The following THSD7B variants were observed in gnomAD, a reference collection of about 807,000 sequenced individuals.
THSD7B encodes thrombospondin type 1 domain containing 7B.
In THSD7B, 138 loss-of-function variants were observed where a neutral mutation model predicts 213.6. The ratio of observed to expected loss-of-function variants is 0.65; its 90% CI spans 0.56 to 0.74. THSD7B has a LOEUF of 0.74. Ranked by LOEUF, THSD7B falls within the 30% of genes least tolerant of loss-of-function variation. The pLI is 0.00. For missense variants in THSD7B, 1,931 were observed against 1,991.5 expected (o/e 0.97, Z 0.58); for synonymous variants, 742 against 687.0 (o/e 1.08, Z -1.25).
At chr2:137,080,429 G>A (rs1174127457) in intron 3 of THSD7B, among the ~76,000 whole-genome samples, 1 of 145,128 alleles carries the variant, frequency 6.9e-6, no homozygotes, top group Non-Finnish European at 1.5e-5. Context: ...GGCCAGGCTG[G>A]TCTCAAACTC....
intron 2 of THSD7B, among the ~76,000 whole-genome samples, chr2:136,969,635 A>G (rs191089894): frequency 8.2e-4 from 125 of 152,296 alleles, no homozygotes; most frequent in African/African-American, 2.9e-3. Flanking sequence ...GAAACTATTT[A>G]AAAGGCATGA....
intron 14 of THSD7B, among the ~76,000 whole-genome samples, chr2:137,425,151 CT>C (rs1225064350): frequency 6.6e-6 from 1 of 151,128 alleles, no homozygotes; most frequent in African/African-American, 2.4e-5. Context: ...TATTCTATAA[CT>C]GTTTACATAG....
At chr2:137,533,262 C>T (rs1020888590) in intron 15 of THSD7B, among the ~76,000 whole-genome samples, 13 of 151,708 alleles carry the variant, frequency 8.6e-5, no homozygotes, top group African/African-American at 2.9e-4. Flanking sequence ...TTCTCTATAA[C>T]GTGCCTCTCC....
chr2:136,923,406 T>A (rs960635679), intron 2 of THSD7B, among the ~76,000 whole-genome samples: 2 of 152,218 alleles, frequency 1.3e-5, no homozygotes, highest in Non-Finnish European at 1.5e-5. Flanking sequence ...TGCTGTAATG[T>A]GCATGAGTGT....
At chr2:137,112,809 A>G (rs1040729909) in intron 4 of THSD7B, among the ~76,000 whole-genome samples, 5 of 151,064 alleles carry the variant, frequency 3.3e-5, no homozygotes, top group Non-Finnish European at 5.9e-5. Context: ...CACATCAGCA[A>G]TGGGCAAAAG....
At chr2:137,169,286 GT>G (rs70978205) in intron 6 of THSD7B, among the ~76,000 whole-genome samples, 1,539 of 140,414 alleles carry the variant, frequency 0.011, 14 homozygotes, top group African/African-American at 0.027. Context: ...TTTATTTGAG[GT>G]TTTTTTTTTT....
At chr2:137,044,456 C>G (rs1373087167) in intron 2 of THSD7B, among the ~76,000 whole-genome samples, 1 of 152,132 alleles carries the variant, frequency 6.6e-6, no homozygotes, top group Non-Finnish European at 1.5e-5. Context: ...TCTCCCAGCA[C>G]TTTTTAGCTT....
At chr2:137,599,213 T>C (rs1161601262) in intron 17 of THSD7B, among the ~76,000 whole-genome samples, 1 of 151,912 alleles carries the variant, frequency 6.6e-6, no homozygotes, top group Non-Finnish European at 1.5e-5. Flanking sequence ...GGATATGAAC[T>C]CATCATTTTT....
chr2:136,983,078 T>TA (rs35691845), intron 2 of THSD7B, among the ~76,000 whole-genome samples: 33,604 of 146,154 alleles, frequency 0.23, 4,332 homozygotes, highest in East Asian at 0.57. Context: ...AGTTTAAAAT[T>TA]AAAAAAAAAA....
intron 12 of THSD7B, among the ~76,000 whole-genome samples, chr2:137,371,704 T>A (rs374169045): frequency 5.1e-4 from 77 of 152,308 alleles, no homozygotes; most frequent in African/African-American, 1.9e-3. Flanking sequence ...ATCTATGTGT[T>A]CTTTTACTCT....
At chr2:136,987,216 T>A (rs555738237) in intron 2 of THSD7B, among the ~76,000 whole-genome samples, 1 of 152,268 alleles carries the variant, frequency 6.6e-6, no homozygotes, top group East Asian at 1.9e-4. Flanking sequence ...GATTACTACT[T>A]TTGATTTTGT....
At chr2:137,233,278 A>T (rs1681684666) in intron 9 of THSD7B, 145 bp downstream of exon 9, 1 of 723,066 alleles carries the variant, frequency 1.4e-6, no homozygotes, top group African/African-American at 1.8e-5. Flanking sequence ...TTAAAGATTA[A>T]AACATGTGCC....
At chr2:137,165,762 T>TACAC (rs10582774) in intron 6 of THSD7B, among the ~76,000 whole-genome samples, 17 of 149,780 alleles carry the variant, frequency 1.1e-4, no homozygotes, top group Middle Eastern at 3.4e-3. Context: ...TCTTAAAAAA[T>TACAC]ACACACACAC....
At chr2:136,904,577 CG>C (rs34043895) in intron 2 of THSD7B, among the ~76,000 whole-genome samples, 60,447 of 151,972 alleles carry the variant, frequency 0.4, 14,229 homozygotes, top group Non-Finnish European at 0.54. Flanking sequence ...TGCTTGGAAC[CG>C]GGCAGAGGTT....
At chr2:136,947,462 A>AG (rs546416273) in intron 2 of THSD7B, among the ~76,000 whole-genome samples, 233 of 152,364 alleles carry the variant, frequency 1.5e-3, no homozygotes, top group African/African-American at 5.6e-3. Context: ...AATGCCAGTC[A>AG]GGGGTTGAGT....
chr2:137,313,821 G>C (rs1167423023), intron 12 of THSD7B, among the ~76,000 whole-genome samples: 2 of 152,184 alleles, frequency 1.3e-5, no homozygotes, highest in Non-Finnish European at 2.9e-5. Flanking sequence ...CTTTAAGAAT[G>C]TTGAATATTG....
chr2:137,676,048 A>G (rs749631954), intron 27 of THSD7B, among the ~76,000 whole-genome samples: 4 of 152,084 alleles, frequency 2.6e-5, no homozygotes, highest in Non-Finnish European at 5.9e-5. Flanking sequence ...CTTTGCACGG[A>G]GTAGAATTGG....
In THSD7B at chr2:137,618,449, G is replaced by T. The variant is rs374763468; in HGVS notation, c.3623G>T (p.Arg1208Leu). The T allele has an allele frequency of 6.2e-7, 1 of 1,613,874 alleles. No homozygotes were observed. Among genetic ancestry groups the T allele is most frequent in the South Asian group, 1.1e-5 (1 of 91,058 alleles). The change falls in exon 19 of 28, where the codon CGC becomes CTC. Residue 1208 changes from arginine (R) to leucine (L), a missense_variant. By Grantham distance (102) the Arg-to-Leu change is moderately radical. Transcript: ENST00000409968. ...NAPCGQGVRT[R>L]LLSCVCSDGK... is the part of the protein sequence containing the mutation. ...CCCTGTGGTCAAGGCGTCAGGACCCGCCTGCTAAGCTGTGTGTGCAGTGAT... is the reference window on the plus strand; with the variant it reads ...CCCTGTGGTCAAGGCGTCAGGACCCTCCTGCTAAGCTGTGTGTGCAGTGAT...
In THSD7B at chr2:136,999,310, G is replaced by A. The variant is rs777577806; in HGVS notation, c.140-57110G>A. On this transcript the variant is annotated intron_variant, in intron 2 of 27. Coordinates refer to ENST00000409968, the MANE Select transcript of THSD7B (RefSeq NM_001316349.2). ...GCAAATACTTTTAGAAATTCCTGGT[G>A]AATCCTTTTATCTAACCTTTGCTAG... Among the ~76,000 whole-genome samples, 28 of 152,230 alleles carry A rather than the reference G, an allele frequency of 1.8e-4. 3 individuals carry two copies. The Middle Eastern group carries it at 0.048, about 259-fold the overall frequency.
Sources: allele counts gnomAD v4.1 joint callset (sites outside exome capture counted in the v4.1 genomes callset), GRCh38; gene constraint gnomAD v4.1.1; transcripts MANE v1.5; gene names NCBI Gene and HGNC (gene_info 2026-07-23, HGNC 2026-07-21).